Variants in ROBO1 observed in about 807,000 individuals in gnomAD.
The protein encoded by ROBO1 is roundabout guidance receptor 1, also known as roundabout homolog 1.
ROBO1 carries 149 observed loss-of-function variants against 195.9 expected under a neutral mutation model. The observed-to-expected ratio is 0.76, with a 90% CI of 0.67 to 0.87. The LOEUF is 0.87. ROBO1 is among the 40% of genes least tolerant of loss of function. The pLI, the probability that ROBO1 is intolerant of heterozygous loss-of-function variation, is 0.00. For missense variants in ROBO1, 1,933 were observed against 2,068.3 expected (o/e 0.93, Z 1.27); for synonymous variants, 816 against 733.2 (o/e 1.11, Z -1.82).
intron 4 of ROBO1, among the ~76,000 whole-genome samples, chr3:78,899,759 A>G (rs2037471749): frequency 1.3e-5 from 2 of 152,180 alleles, no homozygotes; most frequent in Non-Finnish European, 2.9e-5. Context: ...CTGCCTATTT[A>G]CTACAAAACG....
chr3:78,757,674 A>T (rs892356290), intron 4 of ROBO1, among the ~76,000 whole-genome samples: 3 of 152,148 alleles, frequency 2.0e-5, no homozygotes, highest in Non-Finnish European at 4.4e-5. Flanking sequence ...ACAAACAAAC[A>T]AACTCTTCCC....
intron 23 of ROBO1, among the ~76,000 whole-genome samples, chr3:78,635,172 G>A (rs764938816): frequency 3.3e-5 from 5 of 152,056 alleles, no homozygotes; most frequent in African/African-American, 1.2e-4. Flanking sequence ...ACTATTCTGC[G>A]GCTTCAAGTT....
intron 1 of ROBO1, among the ~76,000 whole-genome samples, chr3:79,623,261 A>G (rs1458492731): frequency 6.6e-6 from 1 of 152,212 alleles, no homozygotes; most frequent in East Asian, 1.9e-4. Context: ...AAAATTGCTA[A>G]AAACCCAAAA....
chr3:78,771,926 C>T (rs1021238019), intron 4 of ROBO1, among the ~76,000 whole-genome samples: 2 of 151,938 alleles, frequency 1.3e-5, no homozygotes, highest in African/African-American at 4.8e-5. Flanking sequence ...AGCCATATTA[C>T]TCATTCTAAA....
intron 5 of ROBO1, among the ~76,000 whole-genome samples, chr3:78,725,499 G>A (rs1174305270): frequency 1.3e-5 from 2 of 152,080 alleles, no homozygotes; most frequent in Non-Finnish European, 2.9e-5. Context: ...TAGGGGTAAA[G>A]ACTTCTCTGA....
At chr3:79,173,848 G>A (rs1265155192) in intron 2 of ROBO1, among the ~76,000 whole-genome samples, 2 of 152,034 alleles carry the variant, frequency 1.3e-5, no homozygotes, top group South Asian at 2.1e-4. Flanking sequence ...TACACCAATC[G>A]GCACTCTGTA....
At chr3:79,064,440 A>G (rs13061127) in intron 3 of ROBO1, among the ~76,000 whole-genome samples, 1,949 of 152,104 alleles carry the variant, frequency 0.013, 21 homozygotes, top group Non-Finnish European at 0.019. Context: ...ATAACTGAAT[A>G]TAACAAGTCT....
At chr3:78,752,779 G>T (rs998195427) in intron 4 of ROBO1, among the ~76,000 whole-genome samples, 1 of 152,108 alleles carries the variant, frequency 6.6e-6, no homozygotes, top group African/African-American at 2.4e-5. Flanking sequence ...TAAAAAAGAT[G>T]CATGTGAACA....
chr3:79,286,936 C>T (rs2031922991), intron 2 of ROBO1, among the ~76,000 whole-genome samples: 1 of 152,096 alleles, frequency 6.6e-6, no homozygotes, highest in Admixed American at 6.6e-5. Context: ...AACATTCAGT[C>T]ACAATAAAAT....
intron 1 of ROBO1, among the ~76,000 whole-genome samples, chr3:79,627,218 G>C (rs1945206185): frequency 6.6e-6 from 1 of 152,200 alleles, no homozygotes; most frequent in South Asian, 2.1e-4. Context: ...AAAGAACAAA[G>C]GTGGAGGCAT....
intron 2 of ROBO1, among the ~76,000 whole-genome samples, chr3:79,182,542 GGTGTGTGTGTGTGT>G (rs71127377): frequency 6.7e-6 from 1 of 148,446 alleles, no homozygotes; most frequent in Non-Finnish European, 1.5e-5. Flanking sequence ...CTGGGGCACA[GGTGTGTGTGTGTGT>G]GTGTGTGTGT....
At chr3:79,019,384 C>G in intron 3 of ROBO1, 1 of 985,962 alleles carries the variant, frequency 1.0e-6, no homozygotes, top group Non-Finnish European at 1.2e-6. Flanking sequence ...ACGGCCGCCG[C>G]GGCTCACCCC....
At chr3:79,764,711 A>G (rs564019483) in intron 1 of ROBO1, among the ~76,000 whole-genome samples, 1 of 152,360 alleles carries the variant, frequency 6.6e-6, no homozygotes, top group African/African-American at 2.4e-5. Flanking sequence ...TAAGCACAAC[A>G]CTACTTTCCA....
intron 3 of ROBO1, among the ~76,000 whole-genome samples, chr3:79,087,770 T>C (rs1398662874): frequency 1.3e-5 from 2 of 152,064 alleles, no homozygotes; most frequent in Non-Finnish European, 2.9e-5. Context: ...AAGTCTTTTG[T>C]TGGAGAAACA....
chr3:79,748,944 G>A (rs1393729263), intron 1 of ROBO1, among the ~76,000 whole-genome samples: 2 of 152,166 alleles, frequency 1.3e-5, no homozygotes, highest in Non-Finnish European at 2.9e-5. Flanking sequence ...GTGGGGTCCT[G>A]CTGAAAAGAT....
At chr3:79,502,781 C>A (rs1940169595) in intron 2 of ROBO1, among the ~76,000 whole-genome samples, 1 of 151,648 alleles carries the variant, frequency 6.6e-6, no homozygotes, top group Non-Finnish European at 1.5e-5. Context: ...TGTGAATACA[C>A]CAATCAGTAC....
At chr3:78,911,861 C>A (rs1190395798) in intron 4 of ROBO1, among the ~76,000 whole-genome samples, 1 of 152,030 alleles carries the variant, frequency 6.6e-6, no homozygotes, top group African/African-American at 2.4e-5. Flanking sequence ...CTATTAAACA[C>A]CACTTCCCAA....
In ROBO1 at chr3:79,705,011, G is replaced by C. The variant is rs139219099; in HGVS notation, c.-51+62741C>G. Among the ~76,000 whole-genome samples, 26 of 151,882 alleles carry C rather than the reference G, an allele frequency of 1.7e-4. 1 individual carries two copies. Among genetic ancestry groups the C allele is most frequent in the African/African-American group, 6.3e-4 (26 of 41,492 alleles). The stretch of plus-strand genomic sequence containing the variant: ...TGATAAGGTGTCTGTTGAGGTCTTT[G>C]TCCCATTTTTAATCAGGTTGTTTTG... On this transcript the variant is annotated intron_variant, in intron 1 of 30. Coordinates refer to ENST00000464233, the MANE Select transcript of ROBO1 (RefSeq NM_002941.4).
At chr3:79,050,428 G>A (rs967836287) in intron 3 of ROBO1, among the ~76,000 whole-genome samples, 1 of 152,112 alleles carries the variant, frequency 6.6e-6, no homozygotes, top group Non-Finnish European at 1.5e-5. Context: ...AAGAGACTTA[G>A]ACTCCCACAC....
Sources: gnomAD v4.1 joint callset for allele counts (sites outside exome capture counted in the v4.1 genomes callset) on GRCh38, gnomAD v4.1.1 for gene constraint, MANE v1.5 for transcripts, NCBI Gene and HGNC (gene_info 2026-07-23, HGNC 2026-07-21) for gene names.